AUTS2: variants seen among roughly 807,000 people sequenced by gnomAD.
AUTS2 encodes the protein autism susceptibility gene 2 protein.
AUTS2 carries 17 observed loss-of-function variants against 112.4 expected under a neutral mutation model. That is an observed-to-expected ratio of 0.15 (90% CI 0.10 to 0.23). The LOEUF (loss-of-function observed/expected upper bound fraction) is 0.23. Ranked by LOEUF, AUTS2 falls within the 10% of genes least tolerant of loss-of-function variation. The pLI is 1.00. For synonymous variants in AUTS2, 751 were observed against 702.7 expected (o/e 1.07, Z -1.09); for missense variants, 1,510 against 1,701.6 (o/e 0.89, Z 1.98).
chr7:70,335,689 C>T (rs977700684), intron 4 of AUTS2, among the ~76,000 whole-genome samples: 6 of 151,874 alleles, frequency 4.0e-5, no homozygotes, highest in Admixed American at 1.3e-4. Flanking sequence ...TGGAGATCTA[C>T]GGAGATGAAA....
chr7:69,848,204 A>G (rs1296152889), intron 1 of AUTS2, among the ~76,000 whole-genome samples: 2 of 152,196 alleles, frequency 1.3e-5, no homozygotes, highest in Non-Finnish European at 2.9e-5. Context: ...TGAAAATACG[A>G]GCTACTTCTA....
At chr7:70,698,090 T>TA (rs970935931) in intron 5 of AUTS2, among the ~76,000 whole-genome samples, 9 of 151,620 alleles carry the variant, frequency 5.9e-5, no homozygotes, top group African/African-American at 1.7e-4. Flanking sequence ...AGATGAATCT[T>TA]AAAAAAAAAT....
chr7:70,507,881 A>C (rs1799029790), intron 5 of AUTS2, among the ~76,000 whole-genome samples: 1 of 152,254 alleles, frequency 6.6e-6, no homozygotes, highest in Non-Finnish European at 1.5e-5. Context: ...GTATGTGTAC[A>C]CATGTGTGTG....
intron 1 of AUTS2, among the ~76,000 whole-genome samples, chr7:69,634,151 G>T (rs1294801201): frequency 6.7e-6 from 1 of 150,262 alleles, no homozygotes; most frequent in East Asian, 2.0e-4. Flanking sequence ...ACGGAGTCTC[G>T]CTCTGTGGCC....
At chr7:69,901,965 A>G (rs1794985436) in intron 2 of AUTS2, among the ~76,000 whole-genome samples, 1 of 152,194 alleles carries the variant, frequency 6.6e-6, no homozygotes, top group Non-Finnish European at 1.5e-5. Flanking sequence ...TAACACAAAT[A>G]CAGTGTTGTA....
chr7:70,661,284 T>A (rs1807057088), intron 5 of AUTS2, among the ~76,000 whole-genome samples: 1 of 152,140 alleles, frequency 6.6e-6, no homozygotes, highest in Admixed American at 6.6e-5. Context: ...GTTTCTTGGA[T>A]GCACTTCAAA....
At chr7:70,426,302 T>C (rs956431347) in intron 4 of AUTS2, among the ~76,000 whole-genome samples, 1 of 152,098 alleles carries the variant, frequency 6.6e-6, no homozygotes, top group Admixed American at 6.5e-5. Context: ...CCACCCCGCC[T>C]CTCCCCTGGC....
At chr7:70,773,892 A>G in intron 11 of AUTS2, 136 bp from the exon 12 acceptor site, 1 of 804,744 alleles carries the variant, frequency 1.2e-6, no homozygotes, top group Non-Finnish European at 2.0e-6. Flanking sequence ...GGTCCCTGAG[A>G]AAAATGAATC....
At chr7:70,242,958 C>T (rs912115702) in intron 4 of AUTS2, among the ~76,000 whole-genome samples, 3 of 152,118 alleles carry the variant, frequency 2.0e-5, no homozygotes, top group African/African-American at 7.2e-5. Context: ...TTGCAAAACC[C>T]GTAGGCCGCC....
chr7:69,676,792 T>C (rs142748141), intron 1 of AUTS2, among the ~76,000 whole-genome samples: 2,114 of 150,066 alleles, frequency 0.014, 25 homozygotes, highest in Middle Eastern at 0.037. Flanking sequence ...TTCTTATTTA[T>C]TCCTGAAACT....
At chr7:70,312,953 A>G (rs1334014248) in intron 4 of AUTS2, among the ~76,000 whole-genome samples, 3 of 152,270 alleles carry the variant, frequency 2.0e-5, no homozygotes, top group Non-Finnish European at 4.4e-5. Context: ...GCCAAAGAGC[A>G]TCAGATTGCT....
intron 1 of AUTS2, among the ~76,000 whole-genome samples, chr7:69,876,371 T>TAC (rs1400719454): frequency 8.8e-6 from 1 of 114,072 alleles, no homozygotes; most frequent in Non-Finnish European, 1.7e-5. Flanking sequence ...TATATATATA[T>TAC]ATATATATAT....
At chr7:70,611,259 A>G (rs961915851) in intron 5 of AUTS2, among the ~76,000 whole-genome samples, 1 of 152,212 alleles carries the variant, frequency 6.6e-6, no homozygotes, top group Non-Finnish European at 1.5e-5. Context: ...GGTATTAACG[A>G]AAGAGTGAAG....
intron 2 of AUTS2, among the ~76,000 whole-genome samples, chr7:70,001,283 G>A (rs183916372): frequency 6.6e-6 from 1 of 151,982 alleles, no homozygotes; most frequent in East Asian, 1.9e-4. Flanking sequence ...GTGCCACCAC[G>A]CCTATCTAAT....
In AUTS2 at chr7:70,553,119, T is replaced by G. The variant is rs74329570; in HGVS notation, c.690+117338T>G. 2.7e-3 allele frequency among the ~76,000 whole-genome samples: 418 copies of G among 152,296 alleles called. 18 individuals are homozygous for G. In the East Asian group the frequency reaches 0.076, roughly 28 times the overall value. On this transcript the variant is annotated intron_variant, in intron 5 of 18. Transcript: ENST00000342771. ...GCTCTGCTGTTCTCTTGTTTCTGACTTGTAGAAGAATGGACTTGTCAGCAG... is the reference window on the plus strand; with the variant it reads ...GCTCTGCTGTTCTCTTGTTTCTGACGTGTAGAAGAATGGACTTGTCAGCAG...
chr7:70,665,991 G>T (rs776938216), intron 5 of AUTS2, among the ~76,000 whole-genome samples: 112 of 152,278 alleles, frequency 7.4e-4, no homozygotes, highest in Middle Eastern at 3.4e-3. Flanking sequence ...GGCTCCACTG[G>T]CGGCTGGGGG....
chr7:70,408,491 G>T (rs535731472), intron 4 of AUTS2, among the ~76,000 whole-genome samples: 4 of 152,280 alleles, frequency 2.6e-5, no homozygotes, highest in South Asian at 4.1e-4. Context: ...TCTAATCAGG[G>T]CAGAGAGAAC....
At chr7:70,238,140 T>C (rs2129599146) in intron 4 of AUTS2, among the ~76,000 whole-genome samples, 1 of 152,330 alleles carries the variant, frequency 6.6e-6, no homozygotes, top group East Asian at 1.9e-4. Context: ...TGAGGGAATT[T>C]AATTTGCAAC....
At chr7:69,691,445 G>A (rs1797338734) in intron 1 of AUTS2, among the ~76,000 whole-genome samples, 1 of 152,086 alleles carries the variant, frequency 6.6e-6, no homozygotes, top group South Asian at 2.1e-4. Flanking sequence ...CTTCCCTCCT[G>A]CACCTGTTTG....
Sources: gnomAD v4.1 joint callset for allele counts (sites outside exome capture counted in the v4.1 genomes callset) on GRCh38, gnomAD v4.1.1 for gene constraint, MANE v1.5 for transcripts, NCBI Gene and HGNC (gene_info 2026-07-23, HGNC 2026-07-21) for gene names.